The following PRKAR1B variants were observed in gnomAD, a reference collection of about 807,000 sequenced individuals.
PRKAR1B encodes the protein protein kinase cAMP-dependent type I regulatory subunit beta, also known as cAMP-dependent protein kinase type I-beta regulatory subunit.
A neutral mutation model predicts 46.5 loss-of-function variants in PRKAR1B; 22 were observed. The observed-to-expected ratio is 0.47, with a 90% CI of 0.34 to 0.68. The LOEUF is 0.68. PRKAR1B is among the 30% of genes least tolerant of loss of function. PRKAR1B has a pLI of 0.01. For synonymous variants in PRKAR1B, 259 were observed against 217.7 expected (o/e 1.19, Z -1.67); for missense variants, 445 against 535.6 (o/e 0.83, Z 1.67).
intron 6 of PRKAR1B, among the ~76,000 whole-genome samples, chr7:599,375 GC>G (rs1372351087): frequency 6.6e-6 from 1 of 151,408 alleles, no homozygotes; most frequent in Non-Finnish European, 1.5e-5. Flanking sequence ...TCGGCTCACC[GC>G]AACCTCTGCC....
chr7:724,421 T>G (rs1211933507), intron 1 of PRKAR1B, among the ~76,000 whole-genome samples: 1 of 152,212 alleles, frequency 6.6e-6, no homozygotes, highest in East Asian at 1.9e-4. Flanking sequence ...GGAGTTTCCC[T>G]GCACAGGCTC....
intron 6 of PRKAR1B, among the ~76,000 whole-genome samples, chr7:603,862 T>A (rs1225772102): frequency 6.8e-6 from 1 of 146,938 alleles, no homozygotes; most frequent in Non-Finnish European, 1.5e-5. Context: ...GGACCCAGAA[T>A]GGACAGGGCG....
intron 4 of PRKAR1B, among the ~76,000 whole-genome samples, chr7:655,298 C>T (rs189533228): frequency 7.0e-4 from 106 of 152,324 alleles, no homozygotes; most frequent in African/African-American, 2.5e-3. Context: ...CTGTCAATGG[C>T]CTCTTCCCAG....
In PRKAR1B at chr7:680,550, C is replaced by G. The variant is rs1385914547; in HGVS notation, c.348+6G>C. 1 of 1,606,632 alleles carries G rather than the reference C, an allele frequency of 6.2e-7. No individual in the cohort carries two copies. Among genetic ancestry groups the G allele is most frequent in the Admixed American group, 1.7e-5 (1 of 59,508 alleles). On this transcript the variant is annotated splice_donor_region_variant and intron_variant, in intron 3 of 10. Transcript: ENST00000537384. ...GGACAGGAACCCCGTGACCCGTGAG[C>G]CTCACCTTCCTGACGTAGGACACGG...
chr7:563,175 G>A (rs1475930909), intron 9 of PRKAR1B, among the ~76,000 whole-genome samples: 1 of 152,164 alleles, frequency 6.6e-6, no homozygotes, highest in Non-Finnish European at 1.5e-5. Flanking sequence ...GGTGCAGGTG[G>A]GCAGGCACCT....
At chr7:561,132 A>C (rs182083851) in intron 9 of PRKAR1B, among the ~76,000 whole-genome samples, 12 of 146,754 alleles carry the variant, frequency 8.2e-5, no homozygotes, top group South Asian at 4.4e-4. Context: ...CAGGCACACA[A>C]ACACACACAC....
upstream of PRKAR1B, chr7:727,320 G>A: frequency 1.1e-5 from 14 of 1,276,106 alleles, no homozygotes; most frequent in Non-Finnish European, 1.4e-5. Flanking sequence ...CGCCCGGTGA[G>A]CACCCCGGGC....
At chr7:551,559 C>T (rs1349756726) in intron 9 of PRKAR1B, 89 bp from the exon 10 acceptor site, 6 of 1,289,722 alleles carry the variant, frequency 4.7e-6, no homozygotes, top group East Asian at 5.1e-5. Context: ...GGGGTCACCA[C>T]CCAAACCCCC....
chr7:567,613 G>T (rs1249433346), intron 9 of PRKAR1B, among the ~76,000 whole-genome samples: 1 of 152,126 alleles, frequency 6.6e-6, no homozygotes, highest in Admixed American at 6.6e-5. Context: ...AGCAGCAGCA[G>T]TAGCAGCAAA....
At chr7:701,136 C>T (rs4486095) in intron 2 of PRKAR1B, among the ~76,000 whole-genome samples, 32,358 of 150,462 alleles carry the variant, frequency 0.22, 4,318 homozygotes, top group South Asian at 0.31. Flanking sequence ...TACAGTAAGC[C>T]GAGATCGCAC....
At chr7:659,539 G>A (rs2128493949) in intron 4 of PRKAR1B, among the ~76,000 whole-genome samples, 1 of 152,230 alleles carries the variant, frequency 6.6e-6, no homozygotes, top group African/African-American at 2.4e-5. Context: ...AAGGGAGCTG[G>A]GAGCCAATGG....
At position 714,466 on chromosome 7, in the gene PRKAR1B, G is replaced by A. The variant is rs575291740; in HGVS notation, c.-22-2939C>T. On this transcript the variant is annotated intron_variant, in intron 1 of 10. Transcript: ENST00000537384. This position sits in a 1 kb window ranked among gnomAD's most constrained non-coding sequence, Gnocchi z 4.3. Reference sequence around the variant, plus strand: ...CATGCACGTGGCCAGCCAGACATGCGGCCCCTGGCCCCACTGAGCTGTGAC... The same window carrying A: ...CATGCACGTGGCCAGCCAGACATGCAGCCCCTGGCCCCACTGAGCTGTGAC... Among the ~76,000 whole-genome samples, 431 of 152,282 alleles carry A rather than the reference G, an allele frequency of 2.8e-3. 1 individual carries two copies. The highest frequency in any genetic ancestry group is 4.4e-3 in the Non-Finnish European group (298 of 68,012).
intron 4 of PRKAR1B, among the ~76,000 whole-genome samples, chr7:637,918 G>C (rs1220310314): frequency 6.8e-6 from 1 of 147,920 alleles, no homozygotes; most frequent in African/African-American, 2.5e-5. Flanking sequence ...TGAGAACCCT[G>C]CATGGGGGGC....
intron 6 of PRKAR1B, among the ~76,000 whole-genome samples, chr7:598,090 G>T (rs1412392385): frequency 1.3e-5 from 2 of 152,136 alleles, no homozygotes; most frequent in African/African-American, 4.8e-5. Context: ...TGACATGCAC[G>T]CCTGGGGTGG....
intron 4 of PRKAR1B, among the ~76,000 whole-genome samples, chr7:659,452 G>A (rs915669534): frequency 1.3e-5 from 2 of 152,194 alleles, no homozygotes; most frequent in Non-Finnish European, 2.9e-5. Context: ...ACGAAAGGGG[G>A]AGAGGAGGGC....
At chr7:704,999 AACC>A (rs1262326853) in intron 2 of PRKAR1B, among the ~76,000 whole-genome samples, 2 of 151,820 alleles carry the variant, frequency 1.3e-5, no homozygotes, top group Non-Finnish European at 2.9e-5. Context: ...TGTAAAATAA[AACC>A]ACTTTAGGGC....
intron 4 of PRKAR1B, among the ~76,000 whole-genome samples, chr7:665,641 C>G (rs1049928054): frequency 6.6e-6 from 1 of 152,184 alleles, no homozygotes. Flanking sequence ...AGCATCTCCT[C>G]GGATGAGGCC....
At chr7:688,859 T>G (rs539046546) in intron 2 of PRKAR1B, among the ~76,000 whole-genome samples, 39 of 152,368 alleles carry the variant, frequency 2.6e-4, no homozygotes, top group African/African-American at 6.0e-4. Context: ...TGCCTGGGCT[T>G]GATTCACTGC....
chr7:628,003 C>T (rs116029738), intron 4 of PRKAR1B, among the ~76,000 whole-genome samples: 1 of 151,922 alleles, frequency 6.6e-6, no homozygotes, highest in African/African-American at 2.4e-5. Flanking sequence ...GGAACAAACA[C>T]AGGCCGAGGC....
Sources: gnomAD v4.1 joint callset for allele counts (sites outside exome capture counted in the v4.1 genomes callset) on GRCh38, gnomAD v4.1.1 for gene constraint, Gnocchi (gnomAD v3.1) non-coding constraint, MANE v1.5 for transcripts, NCBI Gene and HGNC (gene_info 2026-07-23, HGNC 2026-07-21) for gene names.